Variants in TLR3 observed in about 807,000 individuals in gnomAD.
The protein encoded by TLR3 is toll like receptor 3, also known as toll-like receptor 3.
TLR3 carries 43 observed loss-of-function variants against 66.4 expected under a neutral mutation model. That is an observed-to-expected ratio of 0.65 (90% CI 0.51 to 0.83). The LOEUF (loss-of-function observed/expected upper bound fraction) is 0.83, where lower values mean the gene tolerates loss of function less well. TLR3 is among the 40% of genes least tolerant of loss of function. TLR3 has a pLI of 0.00. For missense variants in TLR3, 982 were observed against 1,044.6 expected (o/e 0.94, Z 0.83); for synonymous variants, 397 against 397.2 (o/e 1.00, Z 0.01).
chr4:186,077,404 G>A (rs2099302625), intron 2 of TLR3, among the ~76,000 whole-genome samples: 5 of 152,160 alleles, frequency 3.3e-5, no homozygotes, highest in Non-Finnish European at 5.9e-5. Context: ...CGTGACAAAA[G>A]TCTTGAGTCC....
rs577160159 is a variant in TLR3, at chr4:186,073,223, A to C, written c.-7-3390A>C. ...CGGTGGGGGAAAGAAGTCTCTTTAA[A>C]AAATGGTCTGACTGGACCAGGCGTG... On this transcript the variant is annotated intron_variant, in intron 1 of 4. Transcript: ENST00000296795. Among the ~76,000 whole-genome samples, 5 of 152,236 alleles carry C rather than the reference A, an allele frequency of 3.3e-5. No homozygotes were observed. In the South Asian group the frequency reaches 1.0e-3, roughly 32 times the overall value.
chr4:186,077,065 G>A lies in TLR3; in HGVS notation c.441+5G>A, dbSNP rs2099302568. On this transcript the variant is annotated splice_donor_5th_base_variant and intron_variant, in intron 2 of 4. Coordinates refer to ENST00000296795, the MANE Select transcript of TLR3 (RefSeq NM_003265.3). ...AATCCCTTTGTCAAGCAGAAGGTAA[G>A]TTGAAAATGTCTATTGTTACTAATG... 1.2e-6 allele frequency: 2 copies of A among 1,612,330 alleles called. No individual in the cohort carries two copies. The highest frequency in any genetic ancestry group is 1.7e-6 in the Non-Finnish European group (2 of 1,178,896).
At position 186,082,971 on chromosome 4, in the gene TLR3, T is replaced by G. The variant is rs758766282; in HGVS notation, c.1285T>G (p.Trp429Gly). ...AAAAATAGAGAGTGATGCTTTCTCT[T>G]GGTTGGGCCACCTAGAAGTACTTGA... is the stretch of plus-strand genomic sequence containing the variant. ...ISKIESDAFS[W>G]LGHLEVLDLG... Residue 429 changes from tryptophan (W) to glycine (G), a missense_variant, in exon 4 of 5, where the codon TGG (tryptophan) becomes GGG (glycine). This residue lies in a region of TLR3 where 666 missense variants were observed against 709.0 expected (regional missense o/e 0.94). Transcript: ENST00000296795. 1 of 1,614,206 alleles carries G rather than the reference T, an allele frequency of 6.2e-7. No individual in the cohort carries two copies. Among genetic ancestry groups the G allele is most frequent in the South Asian group, 1.1e-5 (1 of 91,082 alleles).
chr4:186,079,428 G>A (rs2099303044), intron 3 of TLR3, among the ~76,000 whole-genome samples: 1 of 152,148 alleles, frequency 6.6e-6, no homozygotes, highest in Non-Finnish European at 1.5e-5. Context: ...TCTGGGCTTT[G>A]TCTTTTAACA....
In TLR3 at chr4:186,085,029, T is replaced by A. The variant is rs1364562411; in HGVS notation, c.*156T>A. ...ATTACATCTCTTCTAGGAAAATGTG[T>A]CTCCTTATTTCAGGCCTATTTTTGA... On this transcript the variant is annotated 3_prime_UTR_variant, in exon 5 of 5. Transcript: ENST00000296795. 8.9e-6 allele frequency: 6 copies of A among 671,386 alleles called. No homozygotes were observed. In the South Asian group the frequency reaches 1.1e-4, roughly 13 times the overall value. The allele number at this position is 671,386 out of a possible 1,614,324, so 41.6% of individuals were successfully genotyped here.
intron 3 of TLR3, chr4:186,081,742 C>G (rs1250462091): frequency 1.9e-5 from 3 of 154,014 alleles, no homozygotes; most frequent in African/African-American, 7.2e-5. Flanking sequence ...GAGAAGCCTC[C>G]CTGAAAAGGT....
Position 186,086,977 on chromosome 4 carries a change from C to T in TLR3, c.*2104C>T, listed in dbSNP as rs925308743. On this transcript the variant is annotated 3_prime_UTR_variant, in exon 5 of 5. Transcript: ENST00000296795. The stretch of plus-strand genomic sequence containing the variant: ...GGATTTTCTGGGGTTTAAATACTCT[C>T]TAGAGGTTTCCATTGGTTACTTGGT... 6.6e-6 allele frequency: 1 copy of T among 152,262 alleles called. No homozygotes were observed. Among genetic ancestry groups the T allele is most frequent in the East Asian group, 1.9e-4 (1 of 5,184 alleles). The allele number at this position is 152,262 out of a possible 1,614,324, so 9.4% of individuals were successfully genotyped here.
In TLR3 at chr4:186,083,885, T is replaced by C; in HGVS notation, c.2199T>C (p.Tyr733=). The change falls in exon 4 of 5, where the codon TAT becomes TAC. Residue 733 remains tyrosine, a synonymous_variant. Coordinates refer to ENST00000296795, the MANE Select transcript of TLR3 (RefSeq NM_003265.3). This position sits in a 1 kb window ranked among gnomAD's most constrained non-coding sequence, Gnocchi z 4.0. ...TTGAGGGCTGGAGGATATCTTTTTA[T>C]TGGAATGTTTCAGTACATCGAGTTC... ...IHFEGWRISF[Y]WNVSVHRVLG... 1 of 1,614,216 alleles carries C rather than the reference T, an allele frequency of 6.2e-7. No individual in the cohort carries two copies. Among genetic ancestry groups the C allele is most frequent in the Non-Finnish European group, 8.5e-7 (1 of 1,180,022 alleles).
At chr4:186,077,135 A>T in intron 2 of TLR3, 75 bp downstream of exon 2, 1 of 1,428,798 alleles carries the variant, frequency 7.0e-7, no homozygotes, top group Non-Finnish European at 9.6e-7. Flanking sequence ...TCTAAATATC[A>T]AGGAAATAAA....
rs776591694 is a variant in TLR3, at chr4:186,082,391, C to G, written c.705C>G (p.Pro235=). The G allele has an allele frequency of 1.4e-4, 219 of 1,613,930 alleles. No individual in the cohort carries two copies. The highest frequency in any genetic ancestry group is 1.8e-4 in the Non-Finnish European group (210 of 1,180,022). ...GLFLNNVQLG[P]SLTEKLCLEL... Reference sequence around the variant, plus strand: ...TTCTGAACAATGTCCAGCTGGGTCCCAGCCTTACAGAGAAGCTATGTTTGG... The same window carrying G: ...TTCTGAACAATGTCCAGCTGGGTCCGAGCCTTACAGAGAAGCTATGTTTGG... Residue 235 remains proline, a synonymous_variant, in exon 4 of 5, where the codon CCC becomes CCG. Transcript: ENST00000296795.
chr4:186,079,082 C>A, intron 3 of TLR3, 51 bp downstream of exon 3: 2 of 1,477,774 alleles, frequency 1.4e-6, no homozygotes, highest in Non-Finnish European at 1.9e-6. Context: ...GGTGGATAGT[C>A]CCTATCTGTG....
At chr4:186,084,308 C>T in intron 4 of TLR3, 136 bp downstream of exon 4, 2 of 907,236 alleles carry the variant, frequency 2.2e-6, no homozygotes, top group Middle Eastern at 3.4e-4. Context: ...GCAGCCTCCA[C>T]CTCCTGGGTT....
chr4:186,076,198 TTAAC>T, intron 1 of TLR3, among the ~76,000 whole-genome samples: 2 of 152,046 alleles, frequency 1.3e-5, no homozygotes, highest in African/African-American at 4.8e-5. Flanking sequence ...ACAAACAAAA[TTAAC>T]TAAAGAAAAG....
At chr4:186,073,610 GGA>G (rs1479418839) in intron 1 of TLR3, among the ~76,000 whole-genome samples, 1 of 152,016 alleles carries the variant, frequency 6.6e-6, no homozygotes, top group East Asian at 1.9e-4. Flanking sequence ...AATTAACTTA[GGA>G]GAGGTCACAC....
In TLR3 at chr4:186,079,013, A is replaced by G. The variant is rs1321369040; in HGVS notation, c.615A>G (p.Ser205=). The change falls in exon 3 of 5, where the codon TCA becomes TCG. Residue 205 remains serine, a synonymous_variant. Coordinates refer to ENST00000296795, the MANE Select transcript of TLR3 (RefSeq NM_003265.3). ...CATCTTTAAAAAAATTAGAGTTGTC[A>G]TCGAATCAAATTAAAGAGGTAAGAA... ...ANSSLKKLEL[S]SNQIKEFSPG... is the part of the protein sequence containing the mutation. The G allele has an allele frequency of 1.7e-5, 27 of 1,613,588 alleles. No homozygotes were observed. The highest frequency in any genetic ancestry group is 2.2e-5 in the Non-Finnish European group (26 of 1,179,768).
chr4:186,084,237 T>A (rs998948380), intron 4 of TLR3, 65 bp downstream of exon 4: 6 of 1,518,054 alleles, frequency 4.0e-6, no homozygotes, highest in South Asian at 2.3e-5. Flanking sequence ...TTTTTTTTTT[T>A]TGAGATGGAG....
Position 186,087,280 on chromosome 4 carries a change from TC to T in TLR3, c.*2408del, listed in dbSNP as rs1220214435. The stretch of plus-strand genomic sequence containing the variant: ...AGGTTAAGATGCACAGGTAATGACC[TC>T]TAAATGAATGCCAATAAAAATAGTA... On this transcript the variant is annotated 3_prime_UTR_variant, in exon 5 of 5. Transcript: ENST00000296795. 1.3e-5 allele frequency: 2 copies of T among 152,186 alleles called. No homozygotes were observed. Among genetic ancestry groups the T allele is most frequent in the African/African-American group, 4.8e-5 (2 of 41,450 alleles). The allele number at this position is 152,186 out of a possible 1,614,324, so 9.4% of individuals were successfully genotyped here.
chr4:186,079,225 C>A (rs530582905), intron 3 of TLR3, among the ~76,000 whole-genome samples, 194 bp downstream of exon 3: 11 of 152,266 alleles, frequency 7.2e-5, no homozygotes, highest in African/African-American at 2.2e-4. Context: ...GGAGACGGGA[C>A]TCTGCCGCCC....
chr4:186,074,336 C>T (rs1013666097), intron 1 of TLR3, among the ~76,000 whole-genome samples: 4 of 152,200 alleles, frequency 2.6e-5, no homozygotes, highest in Non-Finnish European at 1.5e-5. Context: ...ACCAGACAGC[C>T]GGCGTGTGAC....
Sources: allele counts gnomAD v4.1 joint callset (sites outside exome capture counted in the v4.1 genomes callset), GRCh38; gene constraint gnomAD v4.1.1; regional missense constraint gnomAD v4.1.1; non-coding constraint Gnocchi (gnomAD v3.1); transcripts MANE v1.5; gene names NCBI Gene and HGNC (gene_info 2026-07-23, HGNC 2026-07-21).